GRIN2B: variants seen among roughly 807,000 people sequenced by gnomAD.
The protein encoded by GRIN2B is glutamate ionotropic receptor NMDA type subunit 2B.
In GRIN2B, 5 loss-of-function variants were observed where a neutral mutation model predicts 114.5. That is an observed-to-expected ratio of 0.04 (90% CI 0.02 to 0.09). The LOEUF (loss-of-function observed/expected upper bound fraction) is 0.09. Ranked by LOEUF, GRIN2B falls within the 10% of genes least tolerant of loss-of-function variation. The pLI is 1.00. For missense variants in GRIN2B, 1,108 were observed against 1,943.5 expected, an observed-to-expected ratio of 0.57 and a Z score of 8.08; for synonymous variants, 787 against 745.1, an observed-to-expected ratio of 1.06 and a Z score of -0.92.
chr12:13,897,581 A>G (rs1310197832), intron 2 of GRIN2B, among the ~76,000 whole-genome samples: 1 of 152,194 alleles, frequency 6.6e-6, no homozygotes, highest in Non-Finnish European at 1.5e-5. Context: ...GAGAGCCCTT[A>G]GACTCTTAGA....
chr12:13,605,555 A>T (rs1442371689), intron 10 of GRIN2B, among the ~76,000 whole-genome samples: 206 of 88,712 alleles, frequency 2.3e-3, no homozygotes, highest in African/African-American at 8.0e-3. Context: ...TCTCTCTGAC[A>T]CACACACACA....
At chr12:13,831,203 C>T (rs78253951) in intron 3 of GRIN2B, among the ~76,000 whole-genome samples, 6,906 of 152,296 alleles carry the variant, frequency 0.045, 215 homozygotes, top group Admixed American at 0.069. Flanking sequence ...AATGATGGCG[C>T]CATGCTTCAT....
At chr12:13,899,041 A>G (rs989027177) in intron 2 of GRIN2B, among the ~76,000 whole-genome samples, 1 of 152,236 alleles carries the variant, frequency 6.6e-6, no homozygotes, top group African/African-American at 2.4e-5. Flanking sequence ...CATTTTACAG[A>G]TGAGAAAACT....
chr12:13,851,866 T>C (rs951164944), intron 3 of GRIN2B, among the ~76,000 whole-genome samples: 4 of 151,972 alleles, frequency 2.6e-5, no homozygotes, highest in Non-Finnish European at 5.9e-5. Flanking sequence ...ATGCAGACAG[T>C]AGATCTGTGA....
At chr12:13,712,778 T>G (rs1025145409) in intron 4 of GRIN2B, among the ~76,000 whole-genome samples, 3 of 151,904 alleles carry the variant, frequency 2.0e-5, no homozygotes, top group African/African-American at 7.2e-5. Flanking sequence ...TGTTTTCTAA[T>G]TTCAAAATTT....
intron 10 of GRIN2B, among the ~76,000 whole-genome samples, chr12:13,585,060 C>G (rs925189420): frequency 1.3e-5 from 2 of 152,128 alleles, no homozygotes; most frequent in African/African-American, 4.8e-5. Flanking sequence ...ACCATGGAAA[C>G]TGGGATTCTG....
chr12:13,680,341 C>T (rs529740225), intron 4 of GRIN2B, among the ~76,000 whole-genome samples: 1 of 151,876 alleles, frequency 6.6e-6, no homozygotes, highest in Admixed American at 6.6e-5. Flanking sequence ...AACATGTCAT[C>T]CTCAAGTACA....
At chr12:13,575,349 T>C (rs79713477) in intron 10 of GRIN2B, among the ~76,000 whole-genome samples, 8,828 of 152,174 alleles carry the variant, frequency 0.058, 327 homozygotes, top group African/African-American at 0.1. Context: ...CTTATATAGT[T>C]AAGGCATCCT....
At chr12:13,800,576 C>G (rs1249240458) in intron 3 of GRIN2B, among the ~76,000 whole-genome samples, 1 of 152,292 alleles carries the variant, frequency 6.6e-6, no homozygotes, top group East Asian at 1.9e-4. Context: ...ACTGTCACCC[C>G]TTGGGGCTTC....
At chr12:13,613,799 A>G (rs1949397295) in intron 8 of GRIN2B, among the ~76,000 whole-genome samples, 1 of 152,162 alleles carries the variant, frequency 6.6e-6, no homozygotes, top group Non-Finnish European at 1.5e-5. Flanking sequence ...GTAGGTGCTC[A>G]ATAAATGTTG....
intron 5 of GRIN2B, among the ~76,000 whole-genome samples, chr12:13,669,394 T>C (rs1950003822): frequency 6.6e-6 from 1 of 152,144 alleles, no homozygotes; most frequent in African/African-American, 2.4e-5. Flanking sequence ...CCATGGATCC[T>C]GTCTTCTAAT....
At chr12:13,757,152 T>G (rs1304737106) in intron 3 of GRIN2B, among the ~76,000 whole-genome samples, 1 of 152,230 alleles carries the variant, frequency 6.6e-6, no homozygotes, top group Non-Finnish European at 1.5e-5. Context: ...ATGCTTTATA[T>G]GACCATTTTA....
intron 10 of GRIN2B, among the ~76,000 whole-genome samples, chr12:13,604,670 C>T (rs1949213162): frequency 1.3e-5 from 2 of 152,166 alleles, no homozygotes; most frequent in African/African-American, 4.8e-5. Context: ...GAATATACTT[C>T]CTCTCATGCA....
Position 13,838,375 on chromosome 12 carries a change from A to G in GRIN2B, c.411+27423T>C, listed in dbSNP as rs111475990. The stretch of plus-strand genomic sequence containing the variant: ...TAAATCCATTTGATCCTGAAAACAC[A>G]AAGGTCCATATCCGAAGCACCCCAG... On this transcript the variant is annotated intron_variant, in intron 3 of 13. Transcript: ENST00000609686. Among the ~76,000 whole-genome samples the G allele has an allele frequency of 5.4e-3, 822 of 152,260 alleles. 3 individuals carry two copies. Among genetic ancestry groups the G allele is most frequent in the Non-Finnish European group, 7.2e-3 (488 of 68,018 alleles).
At position 13,564,090 on chromosome 12, in the gene GRIN2B, T is replaced by C. The variant is rs1157190922; in HGVS notation, c.3148A>G (p.Ser1050Gly). The change falls in exon 14 of 14, where the codon AGT becomes GGT. Residue 1050 changes from serine (S) to glycine (G), a missense_variant. Coordinates refer to ENST00000609686, the MANE Select transcript of GRIN2B (RefSeq NM_000834.5). The surrounding 1 kb of genome is among the most constrained non-coding windows in gnomAD (Gnocchi z 4.8). ...GKFSFKSDRY[S>G]GHDDLIRSDV... ...GAGCGGATCAAGTCGTCGTGGCCAC[T>C]GTAGCGGTCGCTCTTGAAGGAGAAT... The C allele has an allele frequency of 5.0e-6, 8 of 1,614,072 alleles. No individual in the cohort carries two copies. The highest frequency in any genetic ancestry group is 3.3e-5 in the Admixed American group (2 of 60,008).
At chr12:13,956,325 G>A (rs146709071) in intron 2 of GRIN2B, among the ~76,000 whole-genome samples, 1 of 152,284 alleles carries the variant, frequency 6.6e-6, no homozygotes, top group Non-Finnish European at 1.5e-5. Context: ...CATTCTGCAC[G>A]CAATAATGAG....
At chr12:13,593,349 A>G (rs1250232152) in intron 10 of GRIN2B, among the ~76,000 whole-genome samples, 1 of 152,218 alleles carries the variant, frequency 6.6e-6, no homozygotes, top group Admixed American at 6.5e-5. Flanking sequence ...AAACAGATAT[A>G]TAGACCAATG....
chr12:13,875,233 T>A (rs1038134438), intron 2 of GRIN2B, among the ~76,000 whole-genome samples: 1 of 151,908 alleles, frequency 6.6e-6, no homozygotes, highest in African/African-American at 2.4e-5. Context: ...AGAAAAAAAA[T>A]AAAATAAAAT....
chr12:13,690,371 TCTCA>T (rs761443560), intron 4 of GRIN2B, among the ~76,000 whole-genome samples: 11,943 of 87,408 alleles, frequency 0.14, 574 homozygotes, highest in Middle Eastern at 0.26. Context: ...TCTCTCTCTC[TCTCA>T]CACACACACA....
Sources: gnomAD v4.1 joint callset for allele counts (sites outside exome capture counted in the v4.1 genomes callset) on GRCh38, gnomAD v4.1.1 for gene constraint, Gnocchi (gnomAD v3.1) non-coding constraint, MANE v1.5 for transcripts, NCBI Gene and HGNC (gene_info 2026-07-23, HGNC 2026-07-21) for gene names.